The following RBFOX1 variants were observed in gnomAD, a reference collection of about 807,000 sequenced individuals.
RBFOX1 encodes RNA binding fox-1 homolog 1, also known as RNA binding protein fox-1 homolog 1.
In RBFOX1, 8 loss-of-function variants were observed where a neutral mutation model predicts 57.7. The observed-to-expected ratio is 0.14, with a 90% CI of 0.08 to 0.25. The LOEUF (loss-of-function observed/expected upper bound fraction) is 0.25. RBFOX1 is among the 10% of genes least tolerant of loss of function. RBFOX1 has a pLI of 1.00. For missense variants in RBFOX1, 611 were observed against 548.5 expected, an observed-to-expected ratio of 1.11 and a Z score of -1.14; for synonymous variants, 326 against 222.4, an observed-to-expected ratio of 1.47 and a Z score of -4.15.
chr16:5,751,197 C>G (rs1175334411), intron 3 of RBFOX1, among the ~76,000 whole-genome samples: 2 of 152,200 alleles, frequency 1.3e-5, no homozygotes, highest in Admixed American at 6.5e-5. Context: ...TCCCCGAAGG[C>G]TGTAATTTTA....
At chr16:5,518,044 A>G (rs1411149339) in intron 2 of RBFOX1, among the ~76,000 whole-genome samples, 1 of 152,102 alleles carries the variant, frequency 6.6e-6, no homozygotes, top group Non-Finnish European at 1.5e-5. Flanking sequence ...AACTTAAATT[A>G]ATATTATTTA....
At chr16:6,474,176 G>A (rs1420537593) in intron 2 of RBFOX1, among the ~76,000 whole-genome samples, 1 of 151,876 alleles carries the variant, frequency 6.6e-6, no homozygotes. Context: ...AAGAAGGGAG[G>A]GAAAAGGATG....
chr16:6,001,927 A>G (rs1238955051), intron 4 of RBFOX1, among the ~76,000 whole-genome samples: 2 of 151,684 alleles, frequency 1.3e-5, no homozygotes, highest in Non-Finnish European at 2.9e-5. Flanking sequence ...GTAGGGCTAG[A>G]AATTTTCCCT....
chr16:6,992,220 G>A (rs1346500256), intron 3 of RBFOX1, among the ~76,000 whole-genome samples: 1 of 151,246 alleles, frequency 6.6e-6, no homozygotes, highest in Non-Finnish European at 1.5e-5. Context: ...CTGGAGTGCA[G>A]TGGTGCAATC....
intron 1 of RBFOX1, among the ~76,000 whole-genome samples, chr16:6,303,369 T>C (rs1599398964): frequency 6.6e-6 from 1 of 151,310 alleles, no homozygotes; most frequent in East Asian, 1.9e-4. Context: ...GCCTACAGAG[T>C]GGAGGATGGC....
intron 4 of RBFOX1, among the ~76,000 whole-genome samples, chr16:7,077,993 G>C (rs2058569793): frequency 6.6e-6 from 1 of 152,134 alleles, no homozygotes; most frequent in South Asian, 2.1e-4. Flanking sequence ...GAGTTACTCT[G>C]GGGCCCGGTG....
chr16:5,279,791 C>G (rs376579704), intron 1 of RBFOX1, among the ~76,000 whole-genome samples: 7 of 152,208 alleles, frequency 4.6e-5, no homozygotes, highest in African/African-American at 1.7e-4. Context: ...CATGAGCCAC[C>G]TTGCGCAGCC....
At chr16:7,612,528 C>T (rs1349220761) in intron 10 of RBFOX1, among the ~76,000 whole-genome samples, 1 of 151,422 alleles carries the variant, frequency 6.6e-6, no homozygotes, top group Non-Finnish European at 1.5e-5. Context: ...ATAGTGTTTC[C>T]AAGAATGTGG....
intron 3 of RBFOX1, among the ~76,000 whole-genome samples, chr16:5,646,268 G>C (rs148740132): frequency 3.4e-5 from 5 of 148,584 alleles, no homozygotes; most frequent in African/African-American, 1.2e-4. Flanking sequence ...CTTGTGATCC[G>C]CCTTCCTCGG....
In RBFOX1 at chr16:6,878,931, TC is replaced by T. The variant is rs548154678; in HGVS notation, c.-15-173122del. On this transcript the variant is annotated intron_variant, in intron 3 of 15. Transcript: ENST00000550418. ...TTAAAGAAAAGGGTAGGATTTTTTT[TC>T]CCCTATGTTAGGGGAGGAAATTAAA... Among the ~76,000 whole-genome samples, 21 of 152,310 alleles carry T rather than the reference TC, an allele frequency of 1.4e-4. No individual in the cohort carries two copies. The South Asian group carries it at 3.9e-3, about 29-fold the overall frequency.
intron 2 of RBFOX1, among the ~76,000 whole-genome samples, chr16:6,575,505 C>G (rs1253868659): frequency 6.6e-6 from 1 of 151,984 alleles, no homozygotes; most frequent in Non-Finnish European, 1.5e-5. Context: ...AAATAAAGAC[C>G]CAAAACACTT....
rs186649643 is a variant in RBFOX1 at position 6,770,186 on chromosome 16, C to T, written c.-16+115536C>T. ...TATTGTAAATATTCTTGTATATATC[C>T]ATTAGCAGTCATGGGTGAGAACTAC... is the stretch of plus-strand genomic sequence containing the variant. On this transcript the variant is annotated intron_variant, in intron 3 of 15. Coordinates refer to ENST00000550418, the MANE Select transcript of RBFOX1 (RefSeq NM_018723.4). Among the ~76,000 whole-genome samples, 40 of 152,236 alleles carry T rather than the reference C, an allele frequency of 2.6e-4. 1 individual carries two copies. In the East Asian group the frequency reaches 6.8e-3, roughly 26 times the overall value.
chr16:7,105,894 C>T (rs2063500087), intron 4 of RBFOX1, among the ~76,000 whole-genome samples: 1 of 152,056 alleles, frequency 6.6e-6, no homozygotes, highest in Non-Finnish European at 1.5e-5. Context: ...TATTGTTTCA[C>T]TCAGGAGAGG....
In RBFOX1 at chr16:5,314,299, G is replaced by T. The variant is rs561116663; in HGVS notation, c.219+74194G>T. Among the ~76,000 whole-genome samples, 6 of 152,322 alleles carry T rather than the reference G, an allele frequency of 3.9e-5. No homozygotes were observed. In the South Asian group the frequency reaches 1.2e-3, roughly 32 times the overall value. ...GCCTTTGTGTGGATGTGTAGCTGTT[G>T]TTTGTTAGGGAAATGTGGAGTGTGG... is the stretch of plus-strand genomic sequence containing the variant. On this transcript the variant is annotated intron_variant, in intron 1 of 2. Transcript: ENST00000585867.
intron 3 of RBFOX1, among the ~76,000 whole-genome samples, chr16:6,731,596 T>C (rs982586932): frequency 5.3e-5 from 8 of 152,148 alleles, no homozygotes; most frequent in African/African-American, 1.9e-4. Flanking sequence ...CTCCAGGGAA[T>C]AGCCCTTAAC....
intron 2 of RBFOX1, among the ~76,000 whole-genome samples, chr16:5,520,858 G>C (rs2043984659): frequency 6.6e-6 from 1 of 152,156 alleles, no homozygotes; most frequent in African/African-American, 2.4e-5. Flanking sequence ...CTTTGATCAA[G>C]TTTCCCTCTT....
chr16:7,392,202 C>G (rs965929269), intron 4 of RBFOX1, among the ~76,000 whole-genome samples: 4 of 152,108 alleles, frequency 2.6e-5, no homozygotes, highest in African/African-American at 9.7e-5. Context: ...ATTTTCAGAC[C>G]TCTGCCTACA....
chr16:5,952,156 T>A (rs550061694), intron 4 of RBFOX1, among the ~76,000 whole-genome samples: 1 of 150,882 alleles, frequency 6.6e-6, no homozygotes, highest in Non-Finnish European at 1.5e-5. Flanking sequence ...TTTTTGGTTT[T>A]GTTTTTTTTT....
At chr16:7,114,357 C>T (rs2065430449) in intron 4 of RBFOX1, among the ~76,000 whole-genome samples, 1 of 152,164 alleles carries the variant, frequency 6.6e-6, no homozygotes, top group Non-Finnish European at 1.5e-5. Context: ...TCCAAGGTCA[C>T]ATATTTAATA....
Sources: allele counts gnomAD v4.1 joint callset (sites outside exome capture counted in the v4.1 genomes callset), GRCh38; gene constraint gnomAD v4.1.1; transcripts MANE v1.5; gene names NCBI Gene and HGNC (gene_info 2026-07-23, HGNC 2026-07-21).